Variants in RBFOX3 observed in about 807,000 individuals in gnomAD.
The protein encoded by RBFOX3 is RNA binding protein fox-1 homolog 3.
In RBFOX3, 17 loss-of-function variants were observed where a neutral mutation model predicts 48.7. The ratio of observed to expected loss-of-function variants is 0.35; its 90% CI spans 0.24 to 0.52. RBFOX3 has a LOEUF of 0.52. Among genes scored for constraint, RBFOX3 ranks in the 20% least tolerant of loss-of-function variants. RBFOX3 has a pLI of 0.94. For synonymous variants in RBFOX3, 212 were observed against 209.5 expected (o/e 1.01, Z -0.10); for missense variants, 382 against 497.5 (o/e 0.77, Z 2.21).
rs1568273783 is a variant in RBFOX3, at chr17:79,170,155, G to GAGGAGGA, written c.-33-54414_-33-54408dup. On this transcript the variant is annotated intron_variant, in intron 4 of 14. Coordinates refer to ENST00000693108, the MANE Select transcript of RBFOX3 (RefSeq NM_001350451.2). ...GGAGGAAGGAGGGAAGGAAGGAAGG[G>GAGGAGGA]AGGAGGAAGGAGGAAGGAAGGGGAA... Among the ~76,000 whole-genome samples, 6 of 150,666 alleles carry GAGGAGGA rather than the reference G, an allele frequency of 4.0e-5. No individual in the cohort carries two copies. The South Asian group carries it at 1.3e-3, about 32-fold the overall frequency.
chr17:79,637,351 T>C, the RBFOX3 span, among the ~76,000 whole-genome samples: 2 of 152,074 alleles, frequency 1.3e-5, no homozygotes, highest in Non-Finnish European at 2.9e-5. Flanking sequence ...AAAATATACA[T>C]TTTTCTCAAG....
At chr17:79,123,430 C>A (rs1306947565) in intron 4 of RBFOX3, among the ~76,000 whole-genome samples, 1 of 151,976 alleles carries the variant, frequency 6.6e-6, no homozygotes, top group Admixed American at 6.6e-5. Context: ...TCTGCCCTTC[C>A]CCCTCTGAGT....
chr17:79,540,513 G>A (rs547558829), intron 1 of RBFOX3, among the ~76,000 whole-genome samples: 1 of 152,314 alleles, frequency 6.6e-6, no homozygotes, highest in South Asian at 2.1e-4. Context: ...CTGTGCCAAG[G>A]CCAGCATCCT....
At chr17:79,356,644 C>T (rs1466564719) in intron 2 of RBFOX3, among the ~76,000 whole-genome samples, 1 of 151,726 alleles carries the variant, frequency 6.6e-6, no homozygotes, top group Non-Finnish European at 1.5e-5. Context: ...GCTAGGATTA[C>T]AGGCATGAGC....
intron 2 of RBFOX3, among the ~76,000 whole-genome samples, chr17:79,397,952 G>A (rs562749395): frequency 9.2e-5 from 14 of 152,230 alleles, no homozygotes; most frequent in East Asian, 5.8e-4. Flanking sequence ...TCTGTCCGGC[G>A]GCGGATTTTC....
chr17:79,334,353 T>A (rs1052839902), intron 2 of RBFOX3, among the ~76,000 whole-genome samples: 3 of 152,192 alleles, frequency 2.0e-5, no homozygotes, highest in African/African-American at 7.2e-5. Flanking sequence ...CAAAGTGGAA[T>A]CATGGTCACC....
chr17:79,640,410 C>T, the RBFOX3 span, among the ~76,000 whole-genome samples: 5 of 152,160 alleles, frequency 3.3e-5, no homozygotes, highest in African/African-American at 1.2e-4. Context: ...AAATTCAGTG[C>T]AATCCCTATC....
intron 4 of RBFOX3, among the ~76,000 whole-genome samples, chr17:79,149,710 A>G (rs2144724124): frequency 6.6e-6 from 1 of 151,216 alleles, no homozygotes; most frequent in East Asian, 2.0e-4. Flanking sequence ...ACTTTGTCGG[A>G]CCCAAGACCC....
At chr17:79,519,548 C>T (rs1181155923) in intron 1 of RBFOX3, among the ~76,000 whole-genome samples, 2 of 151,668 alleles carry the variant, frequency 1.3e-5, no homozygotes, top group African/African-American at 4.8e-5. Context: ...CCTGTCCTGT[C>T]CATGCTGTCA....
chr17:79,162,194 G>A (rs1265671314), intron 4 of RBFOX3, among the ~76,000 whole-genome samples: 3 of 152,226 alleles, frequency 2.0e-5, no homozygotes, highest in African/African-American at 4.8e-5. Flanking sequence ...GGCATTAGAA[G>A]GGAATTGAAT....
intron 2 of RBFOX3, among the ~76,000 whole-genome samples, chr17:79,432,149 G>C (rs1016390690): frequency 5.9e-5 from 9 of 152,334 alleles, no homozygotes; most frequent in African/African-American, 1.9e-4. Context: ...TCAAGGCTGA[G>C]TAATATTCTC....
chr17:79,132,407 C>A (rs146387814), intron 4 of RBFOX3, among the ~76,000 whole-genome samples: 1 of 152,210 alleles, frequency 6.6e-6, no homozygotes, highest in Non-Finnish European at 1.5e-5. Context: ...ACGTCCCTGC[C>A]GTGGTCTGAG....
At position 79,277,304 on chromosome 17, in the gene RBFOX3, G is replaced by C. The variant is rs904048148; in HGVS notation, c.-74+30420C>G. 4.5e-3 allele frequency among the ~76,000 whole-genome samples: 155 copies of C among 34,654 alleles called. 3 individuals carry two copies. The highest frequency in any genetic ancestry group is 0.01 in the Non-Finnish European group (132 of 12,838). 22.7% of individuals were successfully genotyped at this position (34,654 alleles called of 152,430 possible). A position where few individuals can be genotyped will look rare whatever the true frequency, so the allele number is the denominator to read the frequency against. On this transcript the variant is annotated intron_variant, in intron 3 of 14. Transcript: ENST00000693108. ...CCTCCAAGGATTCCAATGGTGGGGA[G>C]GGGGGGGGTAGTGCTGCTCGACTGG...
intron 2 of RBFOX3, among the ~76,000 whole-genome samples, chr17:79,465,987 A>G (rs1459209052): frequency 6.6e-6 from 1 of 152,094 alleles, no homozygotes; most frequent in African/African-American, 2.4e-5. Context: ...CCCAGGAACA[A>G]CCCAGCTGGA....
intron 3 of RBFOX3, among the ~76,000 whole-genome samples, chr17:79,280,103 CAT>C (rs988305686): frequency 3.7e-5 from 4 of 107,808 alleles, no homozygotes; most frequent in African/African-American, 1.1e-4. Flanking sequence ...ACAGCATGCA[CAT>C]GTGTATGCAC....
chr17:79,432,487 C>T (rs781821359), intron 2 of RBFOX3, among the ~76,000 whole-genome samples: 5 of 152,212 alleles, frequency 3.3e-5, no homozygotes, highest in Non-Finnish European at 5.9e-5. Context: ...ACTGGAAACA[C>T]GTGTTCACTT....
At chr17:79,449,622 A>ACACACACACACACACAC (rs2073068655) in intron 2 of RBFOX3, among the ~76,000 whole-genome samples, 2 of 144,494 alleles carry the variant, frequency 1.4e-5, no homozygotes, top group Non-Finnish European at 1.5e-5. Flanking sequence ...TGCACACATA[A>ACACACACACACACACAC]ACACACACAC....
At position 79,309,069 on chromosome 17, in the gene RBFOX3, C is replaced by T. The variant is rs368409553; in HGVS notation, c.-174-1245G>A. Reference sequence around the variant, plus strand: ...TTGCAGCGAGCTGAGATCACACCACCGCACTCCAGCCTGGACAACAGAGCA... The same window carrying T: ...TTGCAGCGAGCTGAGATCACACCACTGCACTCCAGCCTGGACAACAGAGCA... On this transcript the variant is annotated intron_variant, in intron 2 of 14. Transcript: ENST00000693108. 3.3e-4 allele frequency among the ~76,000 whole-genome samples: 50 copies of T among 150,620 alleles called. No homozygotes were observed. The East Asian group carries it at 7.4e-3, about 22-fold the overall frequency.
At chr17:79,239,452 G>A (rs922415254) in intron 3 of RBFOX3, among the ~76,000 whole-genome samples, 1 of 152,182 alleles carries the variant, frequency 6.6e-6, no homozygotes, top group East Asian at 1.9e-4. Context: ...CAGTGGTGCC[G>A]ACTTCCCCAA....
Sources: gnomAD v4.1 joint callset for allele counts (sites outside exome capture counted in the v4.1 genomes callset) on GRCh38, gnomAD v4.1.1 for gene constraint, MANE v1.5 for transcripts, NCBI Gene and HGNC (gene_info 2026-07-23, HGNC 2026-07-21) for gene names.